SPATA6L: variants seen among roughly 807,000 people sequenced by gnomAD.
SPATA6L encodes the protein spermatogenesis associated 6 like, also known as spermatogenesis associated 6-like protein.
SPATA6L carries 68 observed loss-of-function variants against 49.2 expected under a neutral mutation model. The observed-to-expected ratio is 1.38, with a 90% CI of 1.14 to 1.69. SPATA6L has a LOEUF of 1.69. Ranked by LOEUF, SPATA6L falls within the 40% of genes most tolerant of loss-of-function variation. SPATA6L has a pLI of 0.00. For synonymous variants in SPATA6L, 198 were observed against 165.7 expected (o/e 1.19, Z -1.50); for missense variants, 668 against 464.3 (o/e 1.44, Z -4.03).
chr9:4,638,504 C>A (rs1205608304), intron 3 of SPATA6L, among the ~76,000 whole-genome samples: 3 of 152,070 alleles, frequency 2.0e-5, no homozygotes, highest in Non-Finnish European at 4.4e-5. Context: ...TGAGCCACCA[C>A]GCCCAGCCAA....
intron 10 of SPATA6L, among the ~76,000 whole-genome samples, chr9:4,604,722 A>G (rs145882751): frequency 2.8e-3 from 431 of 152,326 alleles, no homozygotes; most frequent in Non-Finnish European, 5.1e-3. Context: ...ATAAGTCAAG[A>G]GGACTAATTC....
Position 4,661,915 on chromosome 9 carries a change from C to G in SPATA6L, c.161G>C (p.Ser54Thr). 2 of 1,613,778 alleles carry G rather than the reference C, an allele frequency of 1.2e-6. No individual in the cohort carries two copies. The highest frequency in any genetic ancestry group is 1.7e-6 in the Non-Finnish European group (2 of 1,179,772). Residue 54 changes from serine (S) to threonine (T), a missense_variant, in exon 2 of 12, where the codon AGC (serine) becomes ACC (threonine). Coordinates refer to ENST00000682582, the MANE Select transcript of SPATA6L (RefSeq NM_001353486.2). ...CAAGATCACCTTTTCAAATCTCATGCTCTCCTGAATCATAATGGGGAACGC... is the reference window on the plus strand; with the variant it reads ...CAAGATCACCTTTTCAAATCTCATGGTCTCCTGAATCATAATGGGGAACGC... ...PSAFPIMIQE[S>T]MRFEKVFESA...
intron 3 of SPATA6L, among the ~76,000 whole-genome samples, chr9:4,653,525 A>G (rs957755892): frequency 3.7e-4 from 57 of 152,356 alleles, no homozygotes; most frequent in South Asian, 3.5e-3. Flanking sequence ...AAAATTAAAA[A>G]CTTTTGCATT....
chr9:4,604,885 C>A (rs1028533655), intron 10 of SPATA6L, among the ~76,000 whole-genome samples: 1 of 152,160 alleles, frequency 6.6e-6, no homozygotes, highest in South Asian at 2.1e-4. Flanking sequence ...TCCCCATACC[C>A]CTGTAAAAGT....
chr9:4,616,781 C>T (rs1037325217), intron 9 of SPATA6L, among the ~76,000 whole-genome samples: 2 of 152,140 alleles, frequency 1.3e-5, no homozygotes, highest in Admixed American at 1.3e-4. Flanking sequence ...GACAGGGTTT[C>T]TCCATGTTGG....
At chr9:4,656,716 G>A (rs1033638769) in intron 2 of SPATA6L, among the ~76,000 whole-genome samples, 7 of 152,082 alleles carry the variant, frequency 4.6e-5, no homozygotes, top group Admixed American at 3.3e-4. Flanking sequence ...AAATATCATC[G>A]ACTTGACCTA....
At chr9:4,594,124 C>T (rs570050126), downstream of SPATA6L, among the ~76,000 whole-genome samples, 1 of 152,336 alleles carries the variant, frequency 6.6e-6, no homozygotes, top group Admixed American at 6.5e-5. Flanking sequence ...GGCTTTTCCA[C>T]CATCTTTTTA....
chr9:4,602,138 C>T (rs148709105), intron 11 of SPATA6L, among the ~76,000 whole-genome samples: 6 of 143,318 alleles, frequency 4.2e-5, no homozygotes, highest in South Asian at 2.2e-4. Flanking sequence ...AAAGAATTGA[C>T]GTTTTTTTTT....
chr9:4,648,648 C>T (rs547616409), intron 3 of SPATA6L, among the ~76,000 whole-genome samples: 1 of 151,290 alleles, frequency 6.6e-6, no homozygotes, highest in Non-Finnish European at 1.5e-5. Flanking sequence ...TGCAGTGAGC[C>T]GAGATTGCGC....
At chr9:4,595,914 C>T (rs139766777), downstream of SPATA6L, among the ~76,000 whole-genome samples, 1 of 152,200 alleles carries the variant, frequency 6.6e-6, no homozygotes, top group African/African-American at 2.4e-5. Flanking sequence ...TTCAGACCAG[C>T]TTTATGTGGG....
rs935472101 is a variant in SPATA6L at position 4,631,699 on chromosome 9, C to G, written c.352-2531G>C. On this transcript the variant is annotated intron_variant, in intron 4 of 11. Coordinates refer to ENST00000682582, the MANE Select transcript of SPATA6L (RefSeq NM_001353486.2). ...AGAAAATAAAGTGAATGATTTGTCT[C>G]ACATATATGTAATTCATTCTTACTT... is the stretch of plus-strand genomic sequence containing the variant. 2.6e-5 allele frequency among the ~76,000 whole-genome samples: 4 copies of G among 152,180 alleles called. No homozygotes were observed. The East Asian group carries it at 7.7e-4, about 29-fold the overall frequency.
intron 5 of SPATA6L, chr9:4,625,938 A>G (rs1054278873): frequency 1.2e-5 from 2 of 160,566 alleles, no homozygotes; most frequent in African/African-American, 4.8e-5. Context: ...GGCTATATGT[A>G]TAGCTACAAA....
intron 3 of SPATA6L, among the ~76,000 whole-genome samples, chr9:4,649,062 T>TACAC (rs55949521): frequency 4.7e-5 from 7 of 150,048 alleles, no homozygotes; most frequent in Admixed American, 2.7e-4. Flanking sequence ...TATAGAAATA[T>TACAC]ACACACACAC....
rs185061994 is a variant in SPATA6L at position 4,666,215 on chromosome 9, C to T, written c.36G>A (p.Arg12=). 1.3e-5 allele frequency: 21 copies of T among 1,614,090 alleles called. No homozygotes were observed. The African/African-American group carries it at 2.3e-4, about 17-fold the overall frequency. The change falls in exon 1 of 12, where the codon CGG becomes CGA. Residue 12 remains arginine (R), a synonymous_variant. Coordinates refer to ENST00000682582, the MANE Select transcript of SPATA6L (RefSeq NM_001353486.2). ...GGGGAGTTCATCGATCTCTTACCGCCCGGATCTGCAGCTCCACCACCACCT... is the reference window on the plus strand; with the variant it reads ...GGGGAGTTCATCGATCTCTTACCGCTCGGATCTGCAGCTCCACCACCACCT... The part of the protein sequence containing the change: ...PLEVVVELQI[R]AISCPGVFLP...
Position 4,629,100 on chromosome 9 carries a change from G to C in SPATA6L, c.420C>G (p.Asn140Lys). The change falls in exon 5 of 12, where the codon AAC becomes AAG. Residue 140 changes from asparagine to lysine, a missense_variant. Asn to Lys is a moderately conservative substitution (Grantham distance 94). Transcript: ENST00000682582. ...TTTGTATTGTACTTACAAGAAATCTGTTTCTATGCAGAAACACACATTCTC... is the reference window on the plus strand; with the variant it reads ...TTTGTATTGTACTTACAAGAAATCTCTTTCTATGCAGAAACACACATTCTC... ...AIRECVFLHR[N>K]RFLEERHESR... 1 of 1,605,222 alleles carries C rather than the reference G, an allele frequency of 6.2e-7. No individual in the cohort carries two copies. The highest frequency in any genetic ancestry group is 1.3e-5 in the African/African-American group (1 of 74,650).
chr9:4,610,046 A>G (rs905976569), intron 9 of SPATA6L, among the ~76,000 whole-genome samples: 2 of 152,034 alleles, frequency 1.3e-5, no homozygotes, highest in African/African-American at 2.4e-5. Context: ...CCCATTCACA[A>G]TTGCTTCAAA....
Position 4,605,138 on chromosome 9 carries a change from T to C in SPATA6L, c.1089+209A>G, listed in dbSNP as rs952349936. ...GTTGGATCCAAGCCCCACTGTCTCA[T>C]CCTCAGGAAGCCAGCCCTGACTCCC... On this transcript the variant is annotated intron_variant, in intron 10 of 11. Transcript: ENST00000682582. 4.6e-5 allele frequency among the ~76,000 whole-genome samples: 7 copies of C among 152,210 alleles called. No homozygotes were observed. The East Asian group carries it at 9.7e-4, about 21-fold the overall frequency.
intron 11 of SPATA6L, among the ~76,000 whole-genome samples, chr9:4,602,235 T>A (rs1234655355): frequency 6.6e-6 from 1 of 151,932 alleles, no homozygotes; most frequent in Non-Finnish European, 1.5e-5. Flanking sequence ...ATATTACCCA[T>A]GTTGAAATTC....
rs1213087641 is a variant in SPATA6L at position 4,598,372 on chromosome 9, C to T, written c.*2439G>A. 1.3e-5 allele frequency among the ~76,000 whole-genome samples: 2 copies of T among 152,190 alleles called. No homozygotes were observed. The highest frequency in any genetic ancestry group is 4.8e-5 in the African/African-American group (2 of 41,434). On this transcript the variant is annotated 3_prime_UTR_variant, in exon 12 of 12. Coordinates refer to ENST00000682582, the MANE Select transcript of SPATA6L (RefSeq NM_001353486.2). ...TCCCAAAGTAATCCAAACCCCAAAA[C>T]ATCACAAAATTATTCATACTATTAT... is the stretch of plus-strand genomic sequence containing the variant.
Sources: gnomAD v4.1 joint callset for allele counts (sites outside exome capture counted in the v4.1 genomes callset) on GRCh38, gnomAD v4.1.1 for gene constraint, MANE v1.5 for transcripts, NCBI Gene and HGNC (gene_info 2026-07-23, HGNC 2026-07-21) for gene names.